The following ZNF423 variants were observed in gnomAD, a reference collection of about 807,000 sequenced individuals.
ZNF423 encodes zinc finger protein 423.
A neutral mutation model predicts 95.8 loss-of-function variants in ZNF423; 12 were observed. The observed-to-expected ratio is 0.13, with a 90% CI of 0.08 to 0.20. The LOEUF (loss-of-function observed/expected upper bound fraction) is 0.20, where lower values mean the gene tolerates loss of function less well. Among genes scored for constraint, ZNF423 ranks in the 10% least tolerant of loss-of-function variants. The pLI is 1.00. For synonymous variants in ZNF423, 749 were observed against 711.9 expected, an observed-to-expected ratio of 1.05 and a Z score of -0.83; for missense variants, 1,316 against 1,737.1, an observed-to-expected ratio of 0.76 and a Z score of 4.31.
chr16:49,847,617 C>CCCCCCCG lies in ZNF423; in HGVS notation c.40+8111_40+8117dup, dbSNP rs1378299021. The CCCCCCCG allele has an allele frequency of 2.9e-5, 4 of 136,058 alleles. No homozygotes were observed. The East Asian group carries it at 7.8e-4, about 27-fold the overall frequency. 8.4% of individuals were successfully genotyped at this position (136,058 alleles called of 1,614,324 possible). A position where few individuals can be genotyped will look rare whatever the true frequency, so the allele number is the denominator to read the frequency against. On this transcript the variant is annotated intron_variant, in intron 1 of 7. Transcript: ENST00000563137. ...ACACTAGAACAAGGCAAAGAACATA[C>CCCCCCCG]CCCCCCGCCCCCCGCCGAGAGAATG... is the stretch of plus-strand genomic sequence containing the variant.
chr16:49,638,365 A>C lies in ZNF423; in HGVS notation c.811T>G (p.Phe271Val). 1 of 1,614,028 alleles carries C rather than the reference A, an allele frequency of 6.2e-7. No individual in the cohort carries two copies. The highest frequency in any genetic ancestry group is 8.5e-7 in the Non-Finnish European group (1 of 1,180,034). ...GTGTCCTCGCAGTAGTCGCACATGAAGTCGTCCTTCTTGGCTTCCTTCTCC... is the reference window on the plus strand; with the variant it reads ...GTGTCCTCGCAGTAGTCGCACATGACGTCGTCCTTCTTGGCTTCCTTCTCC... ...KSEKEAKKDD[F>V]MCDYCEDTFS... is the part of the protein sequence containing the mutation. Residue 271 changes from phenylalanine to valine, a missense_variant, in exon 4 of 8, where the codon TTC (phenylalanine) becomes GTC (valine). Physicochemically the swap from Phe to Val is conservative, Grantham distance 50 (BLOSUM62 -1). Coordinates refer to ENST00000563137, the MANE Select transcript of ZNF423 (RefSeq NM_001379286.1). The surrounding 1 kb of genome is among the most constrained non-coding windows in gnomAD (Gnocchi z 5.6).
At chr16:49,809,097 G>T (rs578103142) in intron 1 of ZNF423, among the ~76,000 whole-genome samples, 1 of 152,378 alleles carries the variant, frequency 6.6e-6, no homozygotes, top group South Asian at 2.1e-4. Flanking sequence ...GCCACCCGTA[G>T]GGACCAAGTT....
intron 1 of ZNF423, among the ~76,000 whole-genome samples, chr16:49,853,398 T>C (rs1281779741): frequency 6.6e-6 from 1 of 152,112 alleles, no homozygotes; most frequent in Admixed American, 6.5e-5. Flanking sequence ...CCTTGATAAG[T>C]GGCCACATCT....
intron 1 of ZNF423, among the ~76,000 whole-genome samples, chr16:49,834,077 TG>T (rs1409733199): frequency 2.0e-5 from 3 of 152,168 alleles, no homozygotes; most frequent in Non-Finnish European, 4.4e-5. Context: ...AAGTCCTCAG[TG>T]GGCTGGGCGG....
chr16:49,690,448 A>C (rs531872379), intron 3 of ZNF423, among the ~76,000 whole-genome samples: 5 of 152,244 alleles, frequency 3.3e-5, no homozygotes, highest in Non-Finnish European at 7.3e-5. Context: ...GCTCATGCTC[A>C]GGATTTGAGG....
At chr16:49,664,175 G>A (rs376101193) in intron 3 of ZNF423, 2 of 985,550 alleles carry the variant, frequency 2.0e-6, no homozygotes, top group Non-Finnish European at 2.4e-6. Flanking sequence ...CCCAGCACCC[G>A]GCGGCAGGGC....
Position 49,706,909 on chromosome 16 carries a change from GA to G in ZNF423, c.301+23861del, listed in dbSNP as rs570037619. On this transcript the variant is annotated intron_variant, in intron 3 of 7. Transcript: ENST00000563137. ...CCCAGGACCCATGACTGCCAGCCAG[GA>G]AGGAGAAACCTATAAACAAACCCCC... 4.7e-3 allele frequency among the ~76,000 whole-genome samples: 712 copies of G among 152,228 alleles called. 8 individuals carry two copies. The highest frequency in any genetic ancestry group is 0.016 in the African/African-American group (680 of 41,520).
At chr16:49,753,711 G>T (rs1270104120) in intron 2 of ZNF423, among the ~76,000 whole-genome samples, 2 of 152,206 alleles carry the variant, frequency 1.3e-5, no homozygotes, top group Non-Finnish European at 2.9e-5. Context: ...AAGGACATTT[G>T]AGCAAACACT....
intron 2 of ZNF423, among the ~76,000 whole-genome samples, chr16:49,769,042 A>G (rs1284684564): frequency 6.6e-6 from 1 of 152,100 alleles, no homozygotes; most frequent in Non-Finnish European, 1.5e-5. Context: ...CCAACATCCA[A>G]TCCAGAGACA....
intron 3 of ZNF423, among the ~76,000 whole-genome samples, chr16:49,649,090 A>G (rs1973289503): frequency 6.6e-6 from 1 of 152,306 alleles, no homozygotes; most frequent in South Asian, 2.1e-4. Context: ...TCTGTTGGAC[A>G]CCCAAAACTT....
At chr16:49,596,660 A>G (rs1971187252) in intron 5 of ZNF423, among the ~76,000 whole-genome samples, 1 of 152,252 alleles carries the variant, frequency 6.6e-6, no homozygotes, top group African/African-American at 2.4e-5. Context: ...ACTCACTTTA[A>G]TATTATAAAT....
At chr16:49,831,004 C>G (rs1183041602) in intron 1 of ZNF423, among the ~76,000 whole-genome samples, 2 of 152,038 alleles carry the variant, frequency 1.3e-5, no homozygotes, top group East Asian at 1.9e-4. Context: ...TCCAGAAGAC[C>G]CTGCAGGTTT....
chr16:49,530,813 G>T (rs556345521), intron 5 of ZNF423, among the ~76,000 whole-genome samples: 1 of 152,302 alleles, frequency 6.6e-6, no homozygotes, highest in East Asian at 1.9e-4. Flanking sequence ...CCCCTAACAG[G>T]GATGTGGCAG....
intron 5 of ZNF423, among the ~76,000 whole-genome samples, chr16:49,541,842 T>A (rs569479971): frequency 6.6e-6 from 1 of 152,314 alleles, no homozygotes; most frequent in Admixed American, 6.5e-5. Flanking sequence ...AAGAAGGACA[T>A]GTTTGCTTCC....
intron 3 of ZNF423, among the ~76,000 whole-genome samples, chr16:49,726,856 CA>C (rs368675702): frequency 6.6e-4 from 63 of 94,748 alleles, no homozygotes; most frequent in East Asian, 2.8e-3. Flanking sequence ...TTCCCCCTAG[CA>C]AAAAAAAAAA....
At chr16:49,790,640 T>G (rs1209784251) in intron 1 of ZNF423, among the ~76,000 whole-genome samples, 1 of 152,238 alleles carries the variant, frequency 6.6e-6, no homozygotes, top group Non-Finnish European at 1.5e-5. Context: ...GGCAGCCACC[T>G]TGCGAGTGGA....
At chr16:49,577,732 T>C (rs1970542400) in intron 5 of ZNF423, among the ~76,000 whole-genome samples, 2 of 152,078 alleles carry the variant, frequency 1.3e-5, no homozygotes, top group South Asian at 2.1e-4. Flanking sequence ...GAGAGAAGGA[T>C]TTCCCCACGC....
intron 5 of ZNF423, among the ~76,000 whole-genome samples, chr16:49,560,969 G>T (rs995796358): frequency 2.0e-5 from 3 of 152,154 alleles, no homozygotes; most frequent in Admixed American, 2.0e-4. Context: ...AAATGTACAT[G>T]CAAATTCACT....
chr16:49,833,956 C>T (rs1021299847), intron 1 of ZNF423, among the ~76,000 whole-genome samples: 5 of 152,154 alleles, frequency 3.3e-5, no homozygotes, highest in African/African-American at 1.2e-4. Context: ...CAGGATGGAG[C>T]GAGTTCCCAG....
Sources: allele counts gnomAD v4.1 joint callset (sites outside exome capture counted in the v4.1 genomes callset), GRCh38; gene constraint gnomAD v4.1.1; non-coding constraint Gnocchi (gnomAD v3.1); transcripts MANE v1.5; gene names NCBI Gene and HGNC (gene_info 2026-07-23, HGNC 2026-07-21).